The following MBP variants were observed in gnomAD, a reference collection of about 807,000 sequenced individuals.
The protein encoded by MBP is Golli-MBP.
MBP carries 16 observed loss-of-function variants against 35.8 expected under a neutral mutation model. The observed-to-expected ratio is 0.45, with a 90% CI of 0.30 to 0.68. The LOEUF (loss-of-function observed/expected upper bound fraction) is 0.68, where lower values mean the gene tolerates loss of function less well. Ranked by LOEUF, MBP falls within the 30% of genes least tolerant of loss-of-function variation. The probability of loss-of-function intolerance (pLI) is 0.08; values close to 1 mark genes in which losing one functional copy is unlikely to be tolerated. For missense variants in MBP, 380 were observed against 404.7 expected (o/e 0.94, Z 0.52); for synonymous variants, 143 against 159.6 (o/e 0.90, Z 0.78).
At chr18:77,015,922 T>C in intron 4 of MBP, 9 of 985,454 alleles carry the variant, frequency 9.1e-6, no homozygotes, top group Non-Finnish European at 9.6e-6. Flanking sequence ...GAAAAACAGC[T>C]TCATCTTACA....
At chr18:77,119,698 G>T (rs187363722) in intron 1 of MBP, among the ~76,000 whole-genome samples, 8 of 152,320 alleles carry the variant, frequency 5.3e-5, no homozygotes, top group Non-Finnish European at 1.2e-4. Flanking sequence ...AGGACTTAAG[G>T]CTCCTCCCAG....
intron 2 of MBP, among the ~76,000 whole-genome samples, chr18:77,079,545 A>G (rs1378108506): frequency 6.6e-6 from 1 of 152,238 alleles, no homozygotes; most frequent in Non-Finnish European, 1.5e-5. Flanking sequence ...GGCTATCTGT[A>G]TCTCTTCAGA....
At chr18:76,980,545 G>A (rs927665739) in intron 8 of MBP, 74 bp from the exon 9 acceptor site, 3 of 1,167,696 alleles carry the variant, frequency 2.6e-6, no homozygotes, top group Non-Finnish European at 3.9e-6. Context: ...CTCTTCTGTG[G>A]TCCCGGGTGG....
intron 4 of MBP, among the ~76,000 whole-genome samples, chr18:77,000,007 C>A (rs191702363): frequency 6.6e-6 from 1 of 152,256 alleles, no homozygotes; most frequent in Non-Finnish European, 1.5e-5. Flanking sequence ...GTGATGTAGA[C>A]TCAGATGCTG....
chr18:77,083,525 T>C (rs1458034607), intron 2 of MBP, among the ~76,000 whole-genome samples: 1 of 152,224 alleles, frequency 6.6e-6, no homozygotes, highest in African/African-American at 2.4e-5. Context: ...CATAAAAAGT[T>C]GCACTTGAGT....
intron 1 of MBP, among the ~76,000 whole-genome samples, chr18:77,124,639 G>C (rs187855708): frequency 1.3e-5 from 2 of 151,638 alleles, no homozygotes; most frequent in Non-Finnish European, 3.0e-5. Context: ...CGGGGCCAGT[G>C]GGGGAGAGCC....
chr18:76,987,569 T>C, intron 7 of MBP: 1 of 985,238 alleles, frequency 1.0e-6, no homozygotes, highest in South Asian at 4.7e-5. Context: ...TCTTTCTCCT[T>C]GTTGTTTTTC....
At chr18:77,107,953 A>G (rs1976330929) in intron 1 of MBP, among the ~76,000 whole-genome samples, 1 of 152,208 alleles carries the variant, frequency 6.6e-6, no homozygotes, top group African/African-American at 2.4e-5. Context: ...TAGCAGGAAA[A>G]GAAAGACAAG....
rs116651951 is a variant in MBP at position 77,100,380 on chromosome 18, C to G, written c.51+4831G>C. On this transcript the variant is annotated intron_variant, in intron 2 of 8. Transcript: ENST00000355994. ...GAAGAAATGTCGGTCTTTTAAGCCA[C>G]CTAGTCTGCTATTTTGTTATGGCAG... Among the ~76,000 whole-genome samples, 801 of 152,290 alleles carry G rather than the reference C, an allele frequency of 5.3e-3. 8 individuals carry two copies. The highest frequency in any genetic ancestry group is 0.018 in the African/African-American group (766 of 41,554).
chr18:77,000,591 T>C (rs1427260999), intron 4 of MBP, among the ~76,000 whole-genome samples: 1 of 152,230 alleles, frequency 6.6e-6, no homozygotes, highest in African/African-American at 2.4e-5. Flanking sequence ...TTTTGAAGAA[T>C]TATTTTCCTC....
chr18:77,034,644 C>T (rs1972681863), intron 3 of MBP, among the ~76,000 whole-genome samples: 1 of 152,188 alleles, frequency 6.6e-6, no homozygotes, highest in Admixed American at 6.5e-5. Context: ...ACAGAACAGT[C>T]CCTGCCCTCA....
intron 1 of MBP, among the ~76,000 whole-genome samples, chr18:77,106,185 G>C (rs1221152623): frequency 2.0e-5 from 3 of 152,194 alleles, no homozygotes; most frequent in Admixed American, 6.5e-5. Flanking sequence ...CCTTGAGAGG[G>C]AACAAGATGA....
At chr18:76,994,212 G>A (rs1970139282) in intron 4 of MBP, among the ~76,000 whole-genome samples, 1 of 152,206 alleles carries the variant, frequency 6.6e-6, no homozygotes, top group Non-Finnish European at 1.5e-5. Flanking sequence ...TCCTACTCCA[G>A]TGGCCTGAAA....
intron 4 of MBP, chr18:77,015,077 G>A (rs552928047): frequency 1.0e-6 from 1 of 982,372 alleles, no homozygotes; most frequent in Admixed American, 6.1e-5. Flanking sequence ...AGACAATAAA[G>A]GCTGTAATCT....
chr18:77,024,110 T>G (rs1972103368), intron 3 of MBP, among the ~76,000 whole-genome samples: 1 of 152,254 alleles, frequency 6.6e-6, no homozygotes, highest in African/African-American at 2.4e-5. Flanking sequence ...ATATACTTAT[T>G]TTTAAGTCAG....
chr18:77,057,254 G>A (rs1055689628), intron 3 of MBP, among the ~76,000 whole-genome samples: 11 of 152,178 alleles, frequency 7.2e-5, no homozygotes, highest in African/African-American at 2.2e-4. Flanking sequence ...GGCTGGCTGG[G>A]AGCACTGGGC....
chr18:77,013,594 C>T (rs1004346662), intron 4 of MBP: 9 of 985,100 alleles, frequency 9.1e-6, no homozygotes, highest in Middle Eastern at 5.2e-4. Context: ...TCCATACAGT[C>T]GCAATTAGAG....
rs1478616106 is a variant in MBP, at chr18:77,001,516, G to C, written c.577-11456C>G. On this transcript the variant is annotated intron_variant, in intron 4 of 8. Transcript: ENST00000355994. The stretch of plus-strand genomic sequence containing the variant: ...TGGAATCCTTTTGGAGACACAAGGA[G>C]AAGTGTGCATTCCTAGAACTTGGAT... 2.0e-5 allele frequency among the ~76,000 whole-genome samples: 3 copies of C among 152,226 alleles called. No homozygotes were observed. In the East Asian group the frequency reaches 5.8e-4, roughly 29 times the overall value.
At chr18:77,080,003 C>T (rs911569474) in intron 2 of MBP, among the ~76,000 whole-genome samples, 21 of 152,206 alleles carry the variant, frequency 1.4e-4, no homozygotes, top group African/African-American at 4.6e-4. Context: ...TGGAAAAAAA[C>T]GCATGTTTTT....
Sources: allele counts gnomAD v4.1 joint callset (sites outside exome capture counted in the v4.1 genomes callset), GRCh38; gene constraint gnomAD v4.1.1; transcripts MANE v1.5; gene names NCBI Gene and HGNC (gene_info 2026-07-23, HGNC 2026-07-21).